The following CPQ variants were observed in gnomAD, a reference collection of about 807,000 sequenced individuals.
CPQ encodes the protein Ser-Met dipeptidase.
Under a neutral mutation model 45.7 loss-of-function variants are expected in CPQ, and 37 were observed. The observed-to-expected ratio is 0.81, with a 90% CI of 0.62 to 1.07. The LOEUF is 1.07. Among genes scored for constraint, CPQ ranks in the 50% least tolerant of loss-of-function variants. CPQ has a pLI of 0.00. For missense variants in CPQ, 537 were observed against 572.9 expected (o/e 0.94, Z 0.64); for synonymous variants, 186 against 205.8 (o/e 0.90, Z 0.82).
At chr8:96,660,823 G>A (rs1342890846) in intron 1 of CPQ, among the ~76,000 whole-genome samples, 1 of 152,016 alleles carries the variant, frequency 6.6e-6, no homozygotes, top group African/African-American at 2.4e-5. Flanking sequence ...AATTAATTCA[G>A]CCTTCTAGGC....
intron 2 of CPQ, among the ~76,000 whole-genome samples, chr8:96,828,492 C>G (rs1482319016): frequency 6.6e-6 from 1 of 152,012 alleles, no homozygotes; most frequent in Admixed American, 6.6e-5. Flanking sequence ...CCCAGGGAAG[C>G]TAGCCATGAC....
chr8:96,880,757 G>A (rs1199403387), intron 4 of CPQ, among the ~76,000 whole-genome samples: 1 of 151,582 alleles, frequency 6.6e-6, no homozygotes, highest in African/African-American at 2.4e-5. Flanking sequence ...TGGAAGAATA[G>A]GCAATGGGGG....
chr8:96,784,678 A>C (rs143733678), intron 1 of CPQ, among the ~76,000 whole-genome samples, 186 bp from the exon 2 acceptor site: 2 of 152,264 alleles, frequency 1.3e-5, no homozygotes, highest in Non-Finnish European at 2.9e-5. Context: ...TACAGTTTTA[A>C]GGGAGGTCAA....
intron 1 of CPQ, among the ~76,000 whole-genome samples, chr8:96,684,111 T>G (rs1809191733): frequency 6.6e-6 from 1 of 152,250 alleles, no homozygotes. Context: ...TCTTTGCTTT[T>G]TTGTGTTTTT....
In CPQ at chr8:96,652,163, C is replaced by T. The variant is rs1004828051; in HGVS notation, c.-35+6761C>T. Among the ~76,000 whole-genome samples, 6 of 152,194 alleles carry T rather than the reference C, an allele frequency of 3.9e-5. No homozygotes were observed. In the East Asian group the frequency reaches 1.2e-3, roughly 29 times the overall value. ...TCAGACTTTGGTAAGCACCATTCTA[C>T]TCTACGCTTCTTAGTTCTGTTGTTT... is the stretch of plus-strand genomic sequence containing the variant. On this transcript the variant is annotated intron_variant, in intron 1 of 7. Coordinates refer to ENST00000220763, the MANE Select transcript of CPQ (RefSeq NM_016134.4).
intron 1 of CPQ, among the ~76,000 whole-genome samples, chr8:96,751,242 C>G (rs1163090456): frequency 6.6e-6 from 1 of 152,166 alleles, no homozygotes; most frequent in African/African-American, 2.4e-5. Context: ...AACTAATTTA[C>G]ACTCCCACCA....
chr8:96,803,407 G>T (rs1255374917), intron 2 of CPQ, among the ~76,000 whole-genome samples: 1 of 152,206 alleles, frequency 6.6e-6, no homozygotes, highest in Non-Finnish European at 1.5e-5. Context: ...GGCTTCAGAA[G>T]TGGAGAAGCA....
chr8:96,923,781 A>G (rs1812839031), intron 4 of CPQ, among the ~76,000 whole-genome samples: 2 of 152,216 alleles, frequency 1.3e-5, no homozygotes, highest in African/African-American at 4.8e-5. Context: ...AGGAAGCAAC[A>G]GTGAGGTAAA....
chr8:96,725,847 T>C (rs978140965), intron 1 of CPQ, among the ~76,000 whole-genome samples: 16 of 152,176 alleles, frequency 1.1e-4, no homozygotes, highest in African/African-American at 3.4e-4. Flanking sequence ...GTGCCCATCA[T>C]TGGTGGATTG....
intron 2 of CPQ, among the ~76,000 whole-genome samples, chr8:96,794,057 G>A (rs1237697240): frequency 6.6e-6 from 1 of 152,164 alleles, no homozygotes; most frequent in Admixed American, 6.5e-5. Context: ...TATCATTCTG[G>A]GGTCTTGAGG....
chr8:96,695,888 C>T (rs1197631257), intron 1 of CPQ, among the ~76,000 whole-genome samples: 1 of 149,788 alleles, frequency 6.7e-6, no homozygotes, highest in African/African-American at 2.5e-5. Context: ...TGTGGCGATT[C>T]CTCAGGGATC....
At chr8:96,812,018 T>G (rs898720278) in intron 2 of CPQ, among the ~76,000 whole-genome samples, 7 of 152,208 alleles carry the variant, frequency 4.6e-5, no homozygotes, top group Non-Finnish European at 8.8e-5. Context: ...TTTCCTTTCT[T>G]TGTGGATTAT....
intron 5 of CPQ, among the ~76,000 whole-genome samples, chr8:97,020,273 G>C (rs1586497965): frequency 6.6e-6 from 1 of 152,042 alleles, no homozygotes; most frequent in Non-Finnish European, 1.5e-5. Context: ...ACATCAAAAA[G>C]TCTGAAAGAG....
chr8:96,891,589 T>C (rs1812378016), intron 4 of CPQ, among the ~76,000 whole-genome samples: 1 of 152,196 alleles, frequency 6.6e-6, no homozygotes, highest in East Asian at 1.9e-4. Context: ...AGTTATCCTG[T>C]CCACTTGATT....
intron 2 of CPQ, among the ~76,000 whole-genome samples, chr8:96,793,051 C>T (rs1810871090): frequency 6.6e-6 from 1 of 152,086 alleles, no homozygotes; most frequent in South Asian, 2.1e-4. Flanking sequence ...GATTCAGTTA[C>T]ATCCCACTGA....
intron 2 of CPQ, among the ~76,000 whole-genome samples, chr8:96,804,249 A>G (rs1167750956): frequency 6.6e-6 from 1 of 152,176 alleles, no homozygotes; most frequent in Non-Finnish European, 1.5e-5. Flanking sequence ...ATGCAGGTGG[A>G]CTATAGAAAA....
intron 6 of CPQ, among the ~76,000 whole-genome samples, chr8:97,061,441 T>C (rs1563569478): frequency 6.6e-6 from 1 of 152,238 alleles, no homozygotes; most frequent in East Asian, 1.9e-4. Flanking sequence ...CAGAAGTGAC[T>C]TTCAGGAGAC....
chr8:96,923,747 G>A (rs916181199), intron 4 of CPQ, among the ~76,000 whole-genome samples: 1 of 152,130 alleles, frequency 6.6e-6, no homozygotes, highest in African/African-American at 2.4e-5. Flanking sequence ...TTGGGAGCAA[G>A]TAGTTTATTT....
intron 7 of CPQ, among the ~76,000 whole-genome samples, chr8:97,120,783 T>C (rs1811688570): frequency 6.6e-6 from 1 of 152,220 alleles, no homozygotes; most frequent in Non-Finnish European, 1.5e-5. Flanking sequence ...ATATGTGATT[T>C]CATTAACTAA....
Sources: gnomAD v4.1 joint callset for allele counts (sites outside exome capture counted in the v4.1 genomes callset) on GRCh38, gnomAD v4.1.1 for gene constraint, MANE v1.5 for transcripts, NCBI Gene and HGNC (gene_info 2026-07-23, HGNC 2026-07-21) for gene names.